SYCP2L: variants seen among roughly 807,000 people sequenced by gnomAD.
SYCP2L encodes the protein synaptonemal complex protein 2 like, also known as synaptonemal complex protein 2-like.
A neutral mutation model predicts 125.8 loss-of-function variants in SYCP2L; 98 were observed. The ratio of observed to expected loss-of-function variants is 0.78; its 90% CI spans 0.66 to 0.92. The LOEUF (loss-of-function observed/expected upper bound fraction) is 0.92. SYCP2L is among the 40% of genes least tolerant of loss of function. SYCP2L has a pLI of 0.00. For missense variants in SYCP2L, 842 were observed against 936.4 expected (o/e 0.90, Z 1.32); for synonymous variants, 317 against 325.4 (o/e 0.97, Z 0.28).
chr6:10,896,711 A>T (rs756233458), intron 4 of SYCP2L, among the ~76,000 whole-genome samples: 1 of 152,198 alleles, frequency 6.6e-6, no homozygotes, highest in South Asian at 2.1e-4. Flanking sequence ...CTTGCTGTAC[A>T]TTACAGTCAC....
chr6:10,911,721 A>T (rs1364615028), intron 12 of SYCP2L, among the ~76,000 whole-genome samples: 1 of 152,038 alleles, frequency 6.6e-6, no homozygotes, highest in East Asian at 1.9e-4. Flanking sequence ...CCTGACCCTT[A>T]CATTGGCTTC....
intron 1 of SYCP2L, among the ~76,000 whole-genome samples, chr6:10,888,622 G>A (rs2113275436): frequency 6.6e-6 from 1 of 152,266 alleles, no homozygotes; most frequent in South Asian, 2.1e-4. Flanking sequence ...CAAGGCCAGA[G>A]AAGGTTGAAA....
At chr6:10,892,509 G>T (rs890729609) in intron 2 of SYCP2L, among the ~76,000 whole-genome samples, 1 of 152,156 alleles carries the variant, frequency 6.6e-6, no homozygotes, top group African/African-American at 2.4e-5. Context: ...ATATTGCCCA[G>T]GCTGATGTCA....
chr6:10,891,471 T>C (rs1286509933), intron 1 of SYCP2L, 42 bp from the exon 2 acceptor site: 4 of 1,303,018 alleles, frequency 3.1e-6, no homozygotes, highest in African/African-American at 1.5e-5. Context: ...TGCATTTCTT[T>C]GAAATAAAAA....
At position 10,971,968 on chromosome 6, in the gene SYCP2L, G is replaced by A. The variant is rs527323839; in HGVS notation, c.*38-1984G>A. ...TGGGATTACAGGCATAAGCCACTGC[G>A]CCCAGCCTATAAATATGTATTAATT... is the stretch of plus-strand genomic sequence containing the variant. On this transcript the variant is annotated intron_variant, in intron 29 of 29. Transcript: ENST00000283141. 2.6e-5 allele frequency among the ~76,000 whole-genome samples: 4 copies of A among 152,164 alleles called. No individual in the cohort carries two copies. The East Asian group carries it at 5.8e-4, about 22-fold the overall frequency.
Position 10,924,631 on chromosome 6 carries a change from A to G in SYCP2L, c.1208A>G (p.Glu403Gly). 6.4e-7 allele frequency: 1 copy of G among 1,567,446 alleles called. No homozygotes were observed. Residue 403 changes from glutamate (E) to glycine (G), a missense_variant, in exon 15 of 30, where the codon GAA (glutamate) becomes GGA (glycine). Glu to Gly is a moderately conservative substitution (Grantham distance 98). Coordinates refer to ENST00000283141, the MANE Select transcript of SYCP2L (RefSeq NM_001040274.3). Reference protein sequence around the residue: ...ISQVSIQALGEDKQMLPDQTK... With the variant: ...ISQVSIQALGGDKQMLPDQTK... Reference sequence around the variant, plus strand: ...CAAGTTTCCATTCAAGCTTTAGGAGAAGACAAACAGGTGGCAGGTTTCATT... The same window carrying G: ...CAAGTTTCCATTCAAGCTTTAGGAGGAGACAAACAGGTGGCAGGTTTCATT...
chr6:10,890,138 T>C (rs1287808194), intron 1 of SYCP2L, among the ~76,000 whole-genome samples: 1 of 152,242 alleles, frequency 6.6e-6, no homozygotes, highest in Non-Finnish European at 1.5e-5. Context: ...GTTGATTCCA[T>C]ATCTTGGCTA....
Position 10,887,079 on chromosome 6 carries a change from G to C in SYCP2L, c.-48G>C. The stretch of plus-strand genomic sequence containing the variant: ...GGAAGCAGGAGAGGGCCGACCGAGC[G>C]CAACAAAGCTGAGCGGCGCGTCGCT... On this transcript the variant is annotated 5_prime_UTR_variant, in exon 1 of 30. Transcript: ENST00000283141. The C allele has an allele frequency of 6.2e-7, 1 of 1,613,264 alleles. No individual in the cohort carries two copies. The highest frequency in any genetic ancestry group is 8.5e-7 in the Non-Finnish European group (1 of 1,179,454).
At chr6:10,891,638 TGTGTGTGTG>T in intron 2 of SYCP2L, 57 bp downstream of exon 2, 1 of 725,812 alleles carries the variant, frequency 1.4e-6, no homozygotes, top group East Asian at 2.5e-5. Flanking sequence ...TGTGTGTGTG[TGTGTGTGTG>T]TGTGTGTGTG....
At chr6:10,956,960 G>A (rs2113407872) in intron 25 of SYCP2L, among the ~76,000 whole-genome samples, 1 of 152,242 alleles carries the variant, frequency 6.6e-6, no homozygotes, top group East Asian at 1.9e-4. Flanking sequence ...CCATGTAGCT[G>A]GGACTACAGG....
chr6:10,971,457 C>CAA (rs564161444), intron 29 of SYCP2L, among the ~76,000 whole-genome samples: 2,850 of 99,252 alleles, frequency 0.029, 122 homozygotes, highest in East Asian at 0.23. Flanking sequence ...GACTCTGTCT[C>CAA]AAAAAAAAAA....
chr6:10,907,576 G>C lies in SYCP2L; in HGVS notation c.711G>C (p.Leu237=). ...YDQQVAISEA[L]CRLTIKKSRD... ...AGCAGGTTGCTATTTCTGAAGCGCTGTGTAGACTGACGATTAAAAAATCAA... is the reference window on the plus strand; with the variant it reads ...AGCAGGTTGCTATTTCTGAAGCGCTCTGTAGACTGACGATTAAAAAATCAA... Residue 237 remains leucine (L), a synonymous_variant, in exon 10 of 30, where the codon CTG becomes CTC. Coordinates refer to ENST00000283141, the MANE Select transcript of SYCP2L (RefSeq NM_001040274.3). 6.2e-7 allele frequency: 1 copy of C among 1,613,856 alleles called. No individual in the cohort carries two copies. Among genetic ancestry groups the C allele is most frequent in the Non-Finnish European group, 8.5e-7 (1 of 1,179,884 alleles).
intron 29 of SYCP2L, 70 bp from the exon 30 acceptor site, chr6:10,973,882 G>A (rs761841551): frequency 6.6e-6 from 1 of 152,240 alleles, no homozygotes; most frequent in African/African-American, 2.4e-5. Context: ...GGCTCACAGG[G>A]TTCTTAGGGA....
At chr6:10,971,570 C>A (rs951369597) in intron 29 of SYCP2L, among the ~76,000 whole-genome samples, 2 of 152,098 alleles carry the variant, frequency 1.3e-5, no homozygotes, top group African/African-American at 4.8e-5. Context: ...TTCCTCTTAT[C>A]CATGATCCAG....
At chr6:10,925,077 TCA>T (rs1780873767) in intron 15 of SYCP2L, among the ~76,000 whole-genome samples, 1 of 152,176 alleles carries the variant, frequency 6.6e-6, no homozygotes, top group Non-Finnish European at 1.5e-5. Flanking sequence ...TTTAATGGAC[TCA>T]CAGTTCAACA....
chr6:10,949,019 T>A (rs554722840), intron 23 of SYCP2L, among the ~76,000 whole-genome samples: 2 of 152,240 alleles, frequency 1.3e-5, no homozygotes, highest in African/African-American at 4.8e-5. Context: ...GTGTACTTGC[T>A]TATTTGTATC....
At chr6:10,905,923 A>G (rs772237294) in intron 8 of SYCP2L, 97 bp from the exon 9 acceptor site, 1 of 762,148 alleles carries the variant, frequency 1.3e-6, no homozygotes, top group Non-Finnish European at 2.1e-6. Flanking sequence ...ATAGTTTCAG[A>G]AACATATACT....
intron 8 of SYCP2L, among the ~76,000 whole-genome samples, chr6:10,905,788 C>G (rs1780478632): frequency 1.3e-5 from 2 of 152,132 alleles, no homozygotes; most frequent in Admixed American, 1.3e-4. Flanking sequence ...AAAACAGAAC[C>G]TCAGAGTGTA....
chr6:10,956,171 G>A lies in SYCP2L; in HGVS notation c.2092G>A (p.Glu698Lys). ...ISTSSLEVVP[E>K]NLNGSAILPT... Reference sequence around the variant, plus strand: ...CACTTCATCCCTAGAAGTTGTGCCAGAGAACTTGAACGGTTCTGCCATTCT... The same window carrying A: ...CACTTCATCCCTAGAAGTTGTGCCAAAGAACTTGAACGGTTCTGCCATTCT... The change falls in exon 25 of 30, where the codon GAG becomes AAG. Residue 698 changes from glutamate (E) to lysine (K), a missense_variant. Physicochemically the swap from Glu to Lys is moderately conservative, Grantham distance 56 (BLOSUM62 1). Transcript: ENST00000283141. 6.2e-7 allele frequency: 1 copy of A among 1,613,966 alleles called. No individual in the cohort carries two copies. The highest frequency in any genetic ancestry group is 8.5e-7 in the Non-Finnish European group (1 of 1,179,978).
Sources: allele counts gnomAD v4.1 joint callset (sites outside exome capture counted in the v4.1 genomes callset), GRCh38; gene constraint gnomAD v4.1.1; transcripts MANE v1.5; gene names NCBI Gene and HGNC (gene_info 2026-07-23, HGNC 2026-07-21).